FAM114A2: variants seen among roughly 807,000 people sequenced by gnomAD.
FAM114A2 encodes family with sequence similarity 114 member A2, also known as protein FAM114A2.
Under a neutral mutation model 58.4 loss-of-function variants are expected in FAM114A2, and 53 were observed. The observed-to-expected ratio is 0.91, with a 90% CI of 0.73 to 1.14. FAM114A2 has a LOEUF of 1.14. Ranked by LOEUF, FAM114A2 falls within the 50% of genes most tolerant of loss-of-function variation. The pLI is 0.00. For missense variants in FAM114A2, 601 were observed against 581.1 expected, an observed-to-expected ratio of 1.03 and a Z score of -0.35; for synonymous variants, 228 against 211.4, an observed-to-expected ratio of 1.08 and a Z score of -0.68.
chr5:154,014,618 A>G (rs866692508), intron 8 of FAM114A2, among the ~76,000 whole-genome samples: 2 of 152,194 alleles, frequency 1.3e-5, no homozygotes, highest in African/African-American at 2.4e-5. Context: ...CAAGTGAAAT[A>G]CAGGGGTAGA....
intron 8 of FAM114A2, among the ~76,000 whole-genome samples, chr5:154,012,418 A>G (rs961469189): frequency 6.6e-6 from 1 of 152,214 alleles, no homozygotes; most frequent in African/African-American, 2.4e-5. Context: ...GTCCAGCCCA[A>G]GGCTTCTCTG....
At chr5:154,032,273 G>A (rs942133170) in intron 4 of FAM114A2, among the ~76,000 whole-genome samples, 1 of 152,070 alleles carries the variant, frequency 6.6e-6, no homozygotes, top group African/African-American at 2.4e-5. Context: ...TTTTTCCCAG[G>A]TGCATCCTCA....
intron 8 of FAM114A2, among the ~76,000 whole-genome samples, chr5:154,013,732 G>A (rs1055717300): frequency 1.3e-5 from 2 of 152,192 alleles, no homozygotes; most frequent in Non-Finnish European, 2.9e-5. Flanking sequence ...GGACTGTCAT[G>A]TCAAGGCTTG....
intron 8 of FAM114A2, among the ~76,000 whole-genome samples, chr5:154,020,832 A>C (rs925070587): frequency 6.6e-6 from 1 of 152,192 alleles, no homozygotes; most frequent in Admixed American, 6.5e-5. Context: ...AGCCTGGCAG[A>C]GACACGACAA....
chr5:154,008,116 C>A (rs575244420), intron 9 of FAM114A2, among the ~76,000 whole-genome samples: 1 of 152,046 alleles, frequency 6.6e-6, no homozygotes, highest in Admixed American at 6.5e-5. Flanking sequence ...AAAAGCAGAG[C>A]GCTAAAGAAC....
intron 5 of FAM114A2, among the ~76,000 whole-genome samples, chr5:154,028,696 T>C (rs926503723): frequency 3.9e-5 from 6 of 152,196 alleles, no homozygotes; most frequent in African/African-American, 9.6e-5. Context: ...AAATCAAATC[T>C]ACCACACAAA....
At chr5:154,029,754 G>A (rs182695211) in intron 4 of FAM114A2, among the ~76,000 whole-genome samples, 174 bp from the exon 5 acceptor site, 111 of 152,266 alleles carry the variant, frequency 7.3e-4, no homozygotes, top group Non-Finnish European at 1.1e-3. Flanking sequence ...AAGATAGGCA[G>A]TTTTCATTTT....
intron 8 of FAM114A2, among the ~76,000 whole-genome samples, chr5:154,018,145 A>T (rs966769870): frequency 1.3e-5 from 2 of 152,210 alleles, no homozygotes; most frequent in African/African-American, 2.4e-5. Flanking sequence ...TTGAAAAGAT[A>T]AATAGAATTG....
chr5:154,030,834 T>A (rs1266138400), intron 4 of FAM114A2, among the ~76,000 whole-genome samples: 2 of 152,168 alleles, frequency 1.3e-5, no homozygotes, highest in African/African-American at 4.8e-5. Context: ...AGCTCTAAGC[T>A]AAGCAATCCC....
Position 154,028,222 on chromosome 5 carries a change from T to A in FAM114A2, c.557A>T (p.Asp186Val). The A allele has an allele frequency of 1.2e-6, 2 of 1,611,558 alleles. No individual in the cohort carries two copies. Among genetic ancestry groups the A allele is most frequent in the Non-Finnish European group, 1.7e-6 (2 of 1,177,906 alleles). Reference sequence around the variant, plus strand: ...TCCAGGATCCCCTTCTGCTATCACATCCATTGTCTTTTTTCCAATGAATTC... The same window carrying A: ...TCCAGGATCCCCTTCTGCTATCACAACCATTGTCTTTTTTCCAATGAATTC... ...ALEFIGKKTMDVIAEGDPGFK... is the reference protein window; with the variant it reads ...ALEFIGKKTMVVIAEGDPGFK... The change falls in exon 6 of 14, where the codon GAT becomes GTT. Residue 186 changes from aspartate (D) to valine (V), a missense_variant. Asp to Val is a radical substitution (Grantham distance 152). Transcript: ENST00000351797.
At chr5:154,023,234 A>T (rs540462365) in intron 8 of FAM114A2, among the ~76,000 whole-genome samples, 31 of 152,334 alleles carry the variant, frequency 2.0e-4, no homozygotes, top group African/African-American at 7.2e-4. Flanking sequence ...ATGTATACAT[A>T]CGTAACAGGC....
At chr5:154,029,775 C>T (rs111821571) in intron 4 of FAM114A2, among the ~76,000 whole-genome samples, 195 bp from the exon 5 acceptor site, 12 of 152,142 alleles carry the variant, frequency 7.9e-5, no homozygotes, top group Middle Eastern at 3.4e-3. Context: ...CTTTTCATTT[C>T]GAAAATAAAA....
chr5:154,009,436 T>A (rs938833128), intron 9 of FAM114A2, among the ~76,000 whole-genome samples: 2 of 152,212 alleles, frequency 1.3e-5, no homozygotes, highest in African/African-American at 4.8e-5. Context: ...ATGACTATTC[T>A]AGAATGCTGA....
chr5:154,021,636 C>T (rs11167653), intron 8 of FAM114A2, among the ~76,000 whole-genome samples: 93,329 of 151,932 alleles, frequency 0.61, 29,195 homozygotes, highest in East Asian at 0.88. Context: ...CACTGCTCAA[C>T]GAAATAAAAG....
chr5:154,029,715 A>G, intron 4 of FAM114A2, 135 bp from the exon 5 acceptor site: 1 of 493,462 alleles, frequency 2.0e-6, no homozygotes, highest in Non-Finnish European at 3.6e-6. Context: ...TATCATTTTA[A>G]ACCATTTGCT....
chr5:154,021,830 G>A (rs1188290984), intron 8 of FAM114A2, among the ~76,000 whole-genome samples: 176 of 151,860 alleles, frequency 1.2e-3, no homozygotes, highest in Middle Eastern at 0.01. Flanking sequence ...AAAAGAGCCC[G>A]CATTGCCAAG....
chr5:154,004,241 C>G (rs1445970311), intron 9 of FAM114A2, among the ~76,000 whole-genome samples: 1 of 152,074 alleles, frequency 6.6e-6, no homozygotes, highest in Non-Finnish European at 1.5e-5. Flanking sequence ...GTTTTTGTAA[C>G]CCCAACTTTC....
At chr5:154,008,517 G>A (rs1176005114) in intron 9 of FAM114A2, among the ~76,000 whole-genome samples, 1 of 152,106 alleles carries the variant, frequency 6.6e-6, no homozygotes, top group African/African-American at 2.4e-5. Flanking sequence ...ATGATGGGTT[G>A]TAGTCAAAAT....
Position 153,994,983 on chromosome 5 carries a change from G to A in FAM114A2, c.1330-11C>T, listed in dbSNP as rs199793673. On this transcript the variant is annotated splice_polypyrimidine_tract_variant and intron_variant, in intron 12 of 13. Coordinates refer to ENST00000351797, the MANE Select transcript of FAM114A2 (RefSeq NM_018691.4). The stretch of plus-strand genomic sequence containing the variant: ...TGCCATTTCTTTGACCTGGAATAAC[G>A]AATACATTTTTAAGTGAGCAGAGTA... The A allele has an allele frequency of 4.1e-4, 653 of 1,597,054 alleles. 2 individuals carry two copies. The highest frequency in any genetic ancestry group is 1.5e-3 in the Middle Eastern group (9 of 6,030).
Sources: allele counts gnomAD v4.1 joint callset (sites outside exome capture counted in the v4.1 genomes callset), GRCh38; gene constraint gnomAD v4.1.1; transcripts MANE v1.5; gene names NCBI Gene and HGNC (gene_info 2026-07-23, HGNC 2026-07-21).